The following STXBP5L variants were observed in gnomAD, a reference collection of about 807,000 sequenced individuals.
The protein encoded by STXBP5L is syntaxin-binding protein 5-like.
A neutral mutation model predicts 144.5 loss-of-function variants in STXBP5L; 65 were observed. The ratio of observed to expected loss-of-function variants is 0.45; its 90% confidence interval spans 0.37 to 0.55. The LOEUF (loss-of-function observed/expected upper bound fraction) is 0.55. Among genes scored for constraint, STXBP5L ranks in the 20% least tolerant of loss-of-function variants. The pLI, the probability that STXBP5L is intolerant of heterozygous loss-of-function variation, is 0.00. For missense variants in STXBP5L, 1,298 were observed against 1,405.5 expected (o/e 0.92, Z 1.22); for synonymous variants, 505 against 469.6 (o/e 1.08, Z -0.97).
At chr3:120,934,676 G>T (rs1710165107) in intron 2 of STXBP5L, among the ~76,000 whole-genome samples, 1 of 151,910 alleles carries the variant, frequency 6.6e-6, no homozygotes. Flanking sequence ...ATGCTCTATT[G>T]TTAGACACAT....
chr3:121,003,943 G>T lies in STXBP5L; in HGVS notation c.288-37757G>T, dbSNP rs151307130. 5.9e-3 allele frequency among the ~76,000 whole-genome samples: 903 copies of T among 152,246 alleles called. 8 individuals carry two copies. Among genetic ancestry groups the T allele is most frequent in the African/African-American group, 0.02 (832 of 41,536 alleles). On this transcript the variant is annotated intron_variant, in intron 3 of 26. Transcript: ENST00000471454. ...TTGGTACCAGTACCACGCTGTTTTG[G>T]TTACTGTAGCCTTGCAGTATAGTTT... is the stretch of plus-strand genomic sequence containing the variant.
At chr3:121,371,756 C>T (rs554774222) in intron 20 of STXBP5L, among the ~76,000 whole-genome samples, 32 of 152,288 alleles carry the variant, frequency 2.1e-4, no homozygotes, top group Non-Finnish European at 2.9e-4. Context: ...TAGTGGTGGC[C>T]GCCCAGTGCC....
At chr3:121,297,204 G>GTGTA (rs2051690576) in intron 19 of STXBP5L, among the ~76,000 whole-genome samples, 1 of 21,946 alleles carries the variant, frequency 4.6e-5, no homozygotes, top group Admixed American at 5.6e-4. Flanking sequence ...TACATTATAT[G>GTGTA]TGTGTGTGTG....
intron 9 of STXBP5L, among the ~76,000 whole-genome samples, chr3:121,195,178 C>A (rs769764678): frequency 6.6e-5 from 10 of 151,972 alleles, no homozygotes; most frequent in Non-Finnish European, 1.0e-4. Context: ...CCCACCTCGG[C>A]TTCCCAAAGT....
In STXBP5L at chr3:121,121,529, C is replaced by G. The variant is rs2044463803; in HGVS notation, c.606-112C>G. On this transcript the variant is annotated intron_variant, in intron 6 of 26. Coordinates refer to ENST00000471454, the MANE Select transcript of STXBP5L (RefSeq NM_001308330.2). ...AACTTAAGTGAATCTGAGCTTAACC[C>G]TAGAATGGTGGGATTTTATTCCAGT... is the stretch of plus-strand genomic sequence containing the variant. 8 of 729,932 alleles carry G rather than the reference C, an allele frequency of 1.1e-5. No homozygotes were observed. The South Asian group carries it at 1.9e-4, about 18-fold the overall frequency. 45.2% of individuals were successfully genotyped at this position (729,932 alleles called of 1,614,324 possible). A position where few individuals can be genotyped will look rare whatever the true frequency, so the allele number is the denominator to read the frequency against.
At chr3:121,364,749 G>A (rs1434870932) in intron 20 of STXBP5L, among the ~76,000 whole-genome samples, 1 of 151,634 alleles carries the variant, frequency 6.6e-6, no homozygotes, top group Non-Finnish European at 1.5e-5. Context: ...TTTGCCGATT[G>A]TTTATATAAA....
chr3:121,288,618 T>C (rs757599643), intron 19 of STXBP5L, among the ~76,000 whole-genome samples: 9 of 152,216 alleles, frequency 5.9e-5, no homozygotes, highest in Non-Finnish European at 1.0e-4. Context: ...TTTCATATGC[T>C]TGTTGGAATC....
At chr3:121,371,006 G>A (rs150497551) in intron 20 of STXBP5L, among the ~76,000 whole-genome samples, 5 of 152,146 alleles carry the variant, frequency 3.3e-5, no homozygotes, top group African/African-American at 1.2e-4. Flanking sequence ...TTCTATTTCT[G>A]TCATTTCAGC....
intron 3 of STXBP5L, among the ~76,000 whole-genome samples, chr3:120,961,020 G>A (rs1000823793): frequency 6.6e-6 from 1 of 151,876 alleles, no homozygotes; most frequent in African/African-American, 2.4e-5. Context: ...GATCTGTTCA[G>A]GATATCTATT....
intron 18 of STXBP5L, among the ~76,000 whole-genome samples, chr3:121,277,320 T>C (rs2050915682): frequency 6.6e-6 from 1 of 152,034 alleles, no homozygotes; most frequent in Non-Finnish European, 1.5e-5. Flanking sequence ...CTTCCAAAGT[T>C]CCCACCTCTT....
At chr3:121,306,917 A>T (rs763069064) in intron 19 of STXBP5L, among the ~76,000 whole-genome samples, 6 of 152,110 alleles carry the variant, frequency 3.9e-5, no homozygotes, top group African/African-American at 1.4e-4. Flanking sequence ...AAAATAATAG[A>T]CCAATTACCC....
intron 3 of STXBP5L, among the ~76,000 whole-genome samples, chr3:120,999,995 G>T (rs77331818): frequency 1.3e-5 from 2 of 152,094 alleles, no homozygotes; most frequent in Admixed American, 6.6e-5. Flanking sequence ...GCCTGATGGG[G>T]CTCCCTTTTT....
chr3:121,170,784 C>T (rs1020185587), intron 9 of STXBP5L, among the ~76,000 whole-genome samples: 1 of 152,144 alleles, frequency 6.6e-6, no homozygotes, highest in Non-Finnish European at 1.5e-5. Flanking sequence ...TGGTACCATT[C>T]CTTCTGAAAC....
chr3:121,035,753 A>G (rs1051475109), intron 3 of STXBP5L, among the ~76,000 whole-genome samples: 3 of 152,232 alleles, frequency 2.0e-5, no homozygotes, highest in Middle Eastern at 3.4e-3. Flanking sequence ...TGACATTAGT[A>G]TTTTGATAGA....
At chr3:121,094,453 C>T (rs1426651756) in intron 5 of STXBP5L, among the ~76,000 whole-genome samples, 1 of 152,020 alleles carries the variant, frequency 6.6e-6, no homozygotes, top group East Asian at 1.9e-4. Context: ...AGTCTGGGTG[C>T]TCCTGTATTG....
At chr3:120,966,275 C>T (rs1327870048) in intron 3 of STXBP5L, among the ~76,000 whole-genome samples, 2 of 152,204 alleles carry the variant, frequency 1.3e-5, no homozygotes, top group Non-Finnish European at 2.9e-5. Flanking sequence ...CCGAAGCCTA[C>T]TTCTGTCAAC....
intron 20 of STXBP5L, among the ~76,000 whole-genome samples, chr3:121,318,989 T>G (rs1322037378): frequency 6.6e-6 from 1 of 152,058 alleles, no homozygotes; most frequent in African/African-American, 2.4e-5. Flanking sequence ...GATGATAGAA[T>G]ATGATATGAA....
chr3:121,324,955 AT>A (rs2044095309), intron 20 of STXBP5L, among the ~76,000 whole-genome samples: 1 of 152,110 alleles, frequency 6.6e-6, no homozygotes, highest in African/African-American at 2.4e-5. Context: ...GATTTTTTTT[AT>A]ATTCTCTGTA....
At chr3:121,093,610 G>C (rs555092756) in intron 5 of STXBP5L, among the ~76,000 whole-genome samples, 3 of 152,196 alleles carry the variant, frequency 2.0e-5, no homozygotes, top group Non-Finnish European at 4.4e-5. Context: ...TGTGGGATCA[G>C]TGGTGATATC....
Sources: allele counts gnomAD v4.1 joint callset (sites outside exome capture counted in the v4.1 genomes callset), GRCh38; gene constraint gnomAD v4.1.1; transcripts MANE v1.5; gene names NCBI Gene and HGNC (gene_info 2026-07-23, HGNC 2026-07-21).